The following SYT7 variants were observed in gnomAD, a reference collection of about 807,000 sequenced individuals.
SYT7 encodes the protein synaptotagmin 7.
A neutral mutation model predicts 75.1 loss-of-function variants in SYT7; 29 were observed. That is an observed-to-expected ratio of 0.39 (90% CI 0.29 to 0.53). SYT7 has a LOEUF of 0.53. SYT7 is among the 20% of genes least tolerant of loss of function. SYT7 has a pLI of 0.77. For synonymous variants in SYT7, 376 were observed against 401.7 expected, an observed-to-expected ratio of 0.94 and a Z score of 0.76; for missense variants, 693 against 953.2, an observed-to-expected ratio of 0.73 and a Z score of 3.59.
chr11:61,546,392 T>A lies in SYT7; in HGVS notation c.348-137A>T. The A allele has an allele frequency of 1.7e-6, 1 of 584,162 alleles. No homozygotes were observed. The highest frequency in any genetic ancestry group is 2.9e-6 in the Non-Finnish European group (1 of 342,266). The allele number at this position is 584,162 out of a possible 1,614,324, so 36.2% of individuals were successfully genotyped here. Reference sequence around the variant, plus strand: ...ACAGATAAAAGGAAGAAAGAGACAGTGAGAGAGGAGGAGGAGAGAGACAGA... The same window carrying A: ...ACAGATAAAAGGAAGAAAGAGACAGAGAGAGAGGAGGAGGAGAGAGACAGA... On this transcript the variant is annotated intron_variant, in intron 4 of 12. Coordinates refer to ENST00000539008, the MANE Select transcript of SYT7 (RefSeq NM_001365809.2). The surrounding 1 kb of genome is among the most constrained non-coding windows in gnomAD (Gnocchi z 7.6).
chr11:61,586,035 G>A (rs1270752966), upstream of SYT7, among the ~76,000 whole-genome samples: 1 of 152,170 alleles, frequency 6.6e-6, no homozygotes, highest in Non-Finnish European at 1.5e-5. Flanking sequence ...CCTGCTGCAA[G>A]CTGACTTTCC....
chr11:61,533,236 G>A (rs541799359), intron 7 of SYT7, 112 bp from the exon 8 acceptor site: 11 of 1,463,208 alleles, frequency 7.5e-6, no homozygotes, highest in East Asian at 5.0e-5. Flanking sequence ...TGCCATGCCC[G>A]GCGGGCCGGC....
the SYT7 span, among the ~76,000 whole-genome samples, chr11:61,586,708 G>T: frequency 6.6e-6 from 1 of 152,300 alleles, no homozygotes; most frequent in East Asian, 1.9e-4. Context: ...AAGCCTGCAA[G>T]ACTGCTTCCA....
intron 1 of SYT7, among the ~76,000 whole-genome samples, chr11:61,556,416 G>A (rs1028374930): frequency 1.3e-5 from 2 of 152,326 alleles, no homozygotes; most frequent in African/African-American, 4.8e-5. Context: ...TGTAAAATGG[G>A]GAAACTGTGC....
At chr11:61,572,664 C>T (rs2063954067) in intron 1 of SYT7, among the ~76,000 whole-genome samples, 1 of 152,184 alleles carries the variant, frequency 6.6e-6, no homozygotes, top group African/African-American at 2.4e-5. Flanking sequence ...TCTGTGGACC[C>T]ACCAGGCACC....
chr11:61,547,062 G>A, intron 4 of SYT7, 115 bp downstream of exon 4: 1 of 1,306,164 alleles, frequency 7.7e-7, no homozygotes, highest in South Asian at 1.5e-5. Flanking sequence ...TTGGGGGACA[G>A]GAGCGAGAGG....
At chr11:61,568,968 G>C (rs1209357536) in intron 1 of SYT7, among the ~76,000 whole-genome samples, 5 of 152,220 alleles carry the variant, frequency 3.3e-5, no homozygotes, top group Non-Finnish European at 5.9e-5. Context: ...CTCAGGCAAA[G>C]ACGGTGGGAC....
At chr11:61,572,401 C>T (rs1472259666) in intron 1 of SYT7, among the ~76,000 whole-genome samples, 2 of 152,172 alleles carry the variant, frequency 1.3e-5, no homozygotes, top group East Asian at 1.9e-4. Context: ...TTCTGAGAGA[C>T]GGGCTGAGAG....
intron 5 of SYT7, among the ~76,000 whole-genome samples, chr11:61,544,055 T>C (rs1231342638): frequency 1.3e-5 from 2 of 152,244 alleles, no homozygotes; most frequent in African/African-American, 4.8e-5. Flanking sequence ...GGCATTAGTT[T>C]ACATAGTGAC....
At chr11:61,527,834 TGTGGCCACAA>T (rs2062569912) in intron 9 of SYT7, 71 bp downstream of exon 9, 1 of 1,535,018 alleles carries the variant, frequency 6.5e-7, no homozygotes, top group Non-Finnish European at 8.9e-7. Flanking sequence ...TGTCTGTGCA[TGTGGCCACAA>T]GTGTGGTTGG....
chr11:61,520,765 G>A (rs1337994000), intron 12 of SYT7, among the ~76,000 whole-genome samples: 1 of 152,234 alleles, frequency 6.6e-6, no homozygotes. Flanking sequence ...AGAGGTTGCA[G>A]TGAGCCAAGA....
At chr11:61,573,928 C>G (rs2063994567) in intron 1 of SYT7, among the ~76,000 whole-genome samples, 1 of 152,248 alleles carries the variant, frequency 6.6e-6, no homozygotes, top group Non-Finnish European at 1.5e-5. Flanking sequence ...CAAGTTCGCA[C>G]TTCCCAAGGT....
chr11:61,529,712 G>C (rs543627030), intron 8 of SYT7, among the ~76,000 whole-genome samples: 39 of 152,292 alleles, frequency 2.6e-4, no homozygotes, highest in African/African-American at 9.1e-4. Flanking sequence ...CTGGCTCACT[G>C]CCACCTCCAC....
Position 61,542,338 on chromosome 11 carries a change from C to T in SYT7, c.814G>A (p.Ala272Thr), listed in dbSNP as rs1169132563. ...GAGCCGGCCGAGGTGCCCTGCCGAG[C>T]CTGGCCCCGGCCATAGGCCCGGGGG... is the stretch of plus-strand genomic sequence containing the variant. ...PNPRAYGRGQ[A>T]RQGTSAGSKY... is the part of the protein sequence containing the mutation. The change falls in exon 6 of 13, where the codon GCT becomes ACT. Residue 272 changes from alanine (A) to threonine (T), a missense_variant. Ala to Thr is a moderately conservative substitution (Grantham distance 58). Coordinates refer to ENST00000539008, the MANE Select transcript of SYT7 (RefSeq NM_001365809.2). The surrounding 1 kb of genome is among the most constrained non-coding windows in gnomAD (Gnocchi z 7.8). 6.5e-7 allele frequency: 1 copy of T among 1,531,082 alleles called. No individual in the cohort carries two copies. The highest frequency in any genetic ancestry group is 8.7e-7 in the Non-Finnish European group (1 of 1,144,488). The allele number at this position is 1,531,082 out of a possible 1,614,324, so 94.8% of individuals were successfully genotyped here.
In SYT7 at chr11:61,542,569, A is replaced by G; in HGVS notation, c.583T>C (p.Ser195Pro). Residue 195 changes from serine (S) to proline (P), a missense_variant, in exon 6 of 13, where the codon TCC (serine) becomes CCC (proline). Ser to Pro is a moderately conservative substitution (Grantham distance 74). This residue lies in a region of SYT7 where 487 missense variants were observed against 593.2 expected (regional missense o/e 0.82). Coordinates refer to ENST00000539008, the MANE Select transcript of SYT7 (RefSeq NM_001365809.2). This position sits in a 1 kb window ranked among gnomAD's most constrained non-coding sequence, Gnocchi z 7.8. ...GKLNLSNFED[S>P]TLSTATTLES... ...AGGGTAGTGGCCGTGGACAGGGTGGAGTCCTCGAAACTTGGGGCAGGTGGA... is the reference window on the plus strand; with the variant it reads ...AGGGTAGTGGCCGTGGACAGGGTGGGGTCCTCGAAACTTGGGGCAGGTGGA... 6.7e-7 allele frequency: 1 copy of G among 1,500,382 alleles called. No individual in the cohort carries two copies. The highest frequency in any genetic ancestry group is 8.9e-7 in the Non-Finnish European group (1 of 1,127,388). 92.9% of individuals were successfully genotyped at this position (1,500,382 alleles called of 1,614,324 possible).
chr11:61,572,766 A>G (rs2063957335), intron 1 of SYT7, among the ~76,000 whole-genome samples: 1 of 152,114 alleles, frequency 6.6e-6, no homozygotes, highest in African/African-American at 2.4e-5. Flanking sequence ...AATCTCCAAG[A>G]CAGGAGCCCA....
At chr11:61,518,818 A>G in intron 12 of SYT7, 87 bp from the exon 13 acceptor site, 1 of 953,752 alleles carries the variant, frequency 1.0e-6, no homozygotes, top group Non-Finnish European at 1.5e-6. Context: ...CAACTCCACC[A>G]TGATACCCTA....
chr11:61,570,834 C>T (rs1457654791), intron 1 of SYT7, among the ~76,000 whole-genome samples: 2 of 152,180 alleles, frequency 1.3e-5, no homozygotes, highest in African/African-American at 2.4e-5. Context: ...TTGGACAGGT[C>T]ACTGTTCCTC....
chr11:61,539,117 CGA>C (rs1555007287), intron 6 of SYT7, among the ~76,000 whole-genome samples: 3 of 152,132 alleles, frequency 2.0e-5, no homozygotes, highest in Non-Finnish European at 1.5e-5. Context: ...GCCAAGGCGG[CGA>C]GAAAGTGCAG....
Sources: allele counts gnomAD v4.1 joint callset (sites outside exome capture counted in the v4.1 genomes callset), GRCh38; gene constraint gnomAD v4.1.1; regional missense constraint gnomAD v4.1.1; non-coding constraint Gnocchi (gnomAD v3.1); transcripts MANE v1.5; gene names NCBI Gene and HGNC (gene_info 2026-07-23, HGNC 2026-07-21).